Variants in TRIM39 observed in about 807,000 individuals in gnomAD.
TRIM39 encodes tripartite motif containing 39.
Under a neutral mutation model 53.6 loss-of-function variants are expected in TRIM39, and 5 were observed. The ratio of observed to expected loss-of-function variants is 0.09; its 90% CI spans 0.05 to 0.20. The LOEUF (loss-of-function observed/expected upper bound fraction) is 0.20, where lower values mean the gene tolerates loss of function less well. Among genes scored for constraint, TRIM39 ranks in the 10% least tolerant of loss-of-function variants. The pLI is 1.00. For synonymous variants in TRIM39, 196 were observed against 237.6 expected, an observed-to-expected ratio of 0.82 and a Z score of 1.61; for missense variants, 310 against 621.0, an observed-to-expected ratio of 0.50 and a Z score of 5.32.
At chr6:30,337,195 G>A (rs1177676383) in intron 5 of TRIM39, among the ~76,000 whole-genome samples, 2 of 152,120 alleles carry the variant, frequency 1.3e-5, no homozygotes, top group East Asian at 3.9e-4. Context: ...CTGAGGTCAG[G>A]AGTTTGAGAC....
Position 30,339,990 on chromosome 6 carries a change from A to G in TRIM39, c.803+60A>G. ...GTCTTGGCTTAGAGAGGAGGGGTAC[A>G]GTCAGGAGTTTGGGTTGGGGGTGAG... On this transcript the variant is annotated intron_variant, in intron 6 of 7. Transcript: ENST00000396551. The surrounding 1 kb of genome is among the most constrained non-coding windows in gnomAD (Gnocchi z 4.2). 1.2e-6 allele frequency: 2 copies of G among 1,613,320 alleles called. No homozygotes were observed. The highest frequency in any genetic ancestry group is 1.7e-6 in the Non-Finnish European group (2 of 1,179,486).
In TRIM39 at chr6:30,342,600, C is replaced by T; in HGVS notation, c.*341C>T. ...AAAATCTGTGAGGGTCTGACTTGCT[C>T]AAACCAGAGGAGGAAACAGAAACCC... On this transcript the variant is annotated 3_prime_UTR_variant, in exon 8 of 8. Transcript: ENST00000396551. This position sits in a 1 kb window ranked among gnomAD's most constrained non-coding sequence, Gnocchi z 4.7. The T allele has an allele frequency of 4.9e-6, 2 of 408,616 alleles. No individual in the cohort carries two copies. The highest frequency in any genetic ancestry group is 8.8e-6 in the Non-Finnish European group (2 of 226,400). 25.3% of individuals were successfully genotyped at this position (408,616 alleles called of 1,614,324 possible).
exon 8 of TRIM39, chr6:30,341,956 C>T (rs773142612): frequency 1.9e-6 from 3 of 1,613,020 alleles, no homozygotes; most frequent in Non-Finnish European, 2.5e-6. Flanking sequence ...GCCGAAAGGG[C>T]GAGTTGACTC....
chr6:30,327,125 C>T (rs1785436192), intron 1 of TRIM39, 130 bp downstream of exon 1: 1 of 152,500 alleles, frequency 6.6e-6, no homozygotes, highest in Non-Finnish European at 1.5e-5. Flanking sequence ...CCTCCGCCCG[C>T]CTCGGGCCCG....
At position 30,335,354 on chromosome 6, in the gene TRIM39, T is replaced by C. The variant is rs771555176; in HGVS notation, c.550-391T>C. Among the ~76,000 whole-genome samples the C allele has an allele frequency of 3.0e-4, 45 of 152,318 alleles. No homozygotes were observed. Among genetic ancestry groups the C allele is most frequent in the Admixed American group, 1.0e-3 (16 of 15,302 alleles). The stretch of plus-strand genomic sequence containing the variant: ...TGTCTGTCTGTCTTTCATCTCGATC[T>C]GTTGCCCAAGCTGGAGTGCAATGGT... On this transcript the variant is annotated intron_variant, in intron 4 of 7. Transcript: ENST00000396551. This position sits in a 1 kb window ranked among gnomAD's most constrained non-coding sequence, Gnocchi z 4.7.
chr6:30,328,523 T>G (rs182121339), intron 1 of TRIM39, among the ~76,000 whole-genome samples: 3 of 152,380 alleles, frequency 2.0e-5, no homozygotes, highest in Admixed American at 1.3e-4. Flanking sequence ...TGTTAGCCTT[T>G]AGAGCAGTGG....
rs150343286 is a variant in TRIM39, at chr6:30,328,045, A to G, written c.-160-844A>G. Among the ~76,000 whole-genome samples the G allele has an allele frequency of 5.7e-3, 872 of 152,296 alleles. 1 individual carries two copies. The highest frequency in any genetic ancestry group is 0.031 in the Middle Eastern group (9 of 294). On this transcript the variant is annotated intron_variant, in intron 1 of 7. Coordinates refer to ENST00000396551, the Ensembl canonical transcript of TRIM39. ...AGTTAAATCAACTTACCCATGGCTA[A>G]AAGTATGGATGTTTTAAGGATGGAG...
At chr6:30,334,708 T>TTA (rs1786644425) in intron 4 of TRIM39, among the ~76,000 whole-genome samples, 1 of 152,224 alleles carries the variant, frequency 6.6e-6, no homozygotes, top group Non-Finnish European at 1.5e-5. Flanking sequence ...TAACTTTTTA[T>TTA]TATTTGTACT....
chr6:30,341,986 C>T (rs752564571), exon 8 of TRIM39: 1 of 1,612,428 alleles, frequency 6.2e-7, no homozygotes, highest in Non-Finnish European at 8.5e-7. Flanking sequence ...AGACTGGCTA[C>T]TGGCGGGTGC....
chr6:30,336,002 C>T, intron 5 of TRIM39, 27 bp downstream of exon 5: 3 of 1,612,456 alleles, frequency 1.9e-6, no homozygotes, highest in Admixed American at 1.7e-5. Flanking sequence ...TGCATAGCCC[C>T]TCAGGCTGAG....
At chr6:30,329,831 A>T in intron 3 of TRIM39, 61 bp downstream of exon 3, 1 of 1,567,202 alleles carries the variant, frequency 6.4e-7, no homozygotes, top group African/African-American at 1.3e-5. Flanking sequence ...AGAGGATGAG[A>T]TACTCCCTAG....
chr6:30,337,180 A>T (rs1402216922), intron 5 of TRIM39, among the ~76,000 whole-genome samples: 1 of 152,184 alleles, frequency 6.6e-6, no homozygotes, highest in African/African-American at 2.4e-5. Flanking sequence ...AGGCAGGTGG[A>T]TCACCTGAGG....
chr6:30,341,729 C>G, exon 8 of TRIM39: 1 of 1,612,464 alleles, frequency 6.2e-7, no homozygotes, highest in Non-Finnish European at 8.5e-7. Flanking sequence ...GACCCTGGAC[C>G]CTGAGACAGC....
intron 4 of TRIM39, 87 bp downstream of exon 4, chr6:30,330,963 C>T (rs560569090): frequency 7.5e-6 from 11 of 1,457,298 alleles, no homozygotes; most frequent in African/African-American, 7.0e-5. Flanking sequence ...CCACCAGTTC[C>T]GGTTCATTAG....
chr6:30,329,092 GA>G (rs994816937), intron 2 of TRIM39, 51 bp downstream of exon 2: 46 of 566,242 alleles, frequency 8.1e-5, no homozygotes, highest in African/African-American at 4.2e-4. Context: ...TTACTAACAA[GA>G]AAAAAAAGGT....
chr6:30,330,500 A>G (rs961300451), intron 3 of TRIM39, among the ~76,000 whole-genome samples: 1 of 152,064 alleles, frequency 6.6e-6, no homozygotes, highest in African/African-American at 2.4e-5. Flanking sequence ...AAGAAAATGG[A>G]AAGAGTTGAG....
At chr6:30,329,260 A>G (rs1785829909) in intron 2 of TRIM39, 51 bp from the exon 3 acceptor site, 2 of 1,532,576 alleles carry the variant, frequency 1.3e-6, no homozygotes, top group African/African-American at 1.4e-5. Context: ...AAAAAAGAAA[A>G]AACCTCCAAT....
intron 1 of TRIM39, chr6:30,327,216 C>T (rs1785460151): frequency 6.5e-6 from 1 of 152,710 alleles, no homozygotes; most frequent in South Asian, 2.1e-4. Flanking sequence ...CCCGCTGCTG[C>T]TCACCTCCCC....
intron 6 of TRIM39, 166 bp from the exon 7 acceptor site, chr6:30,340,339 G>A (rs1787358757): frequency 6.2e-7 from 1 of 1,612,966 alleles, no homozygotes; most frequent in South Asian, 1.1e-5. Flanking sequence ...GGCTCTCCTT[G>A]GATTAGTAAA....
Sources: allele counts gnomAD v4.1 joint callset (sites outside exome capture counted in the v4.1 genomes callset), GRCh38; gene constraint gnomAD v4.1.1; non-coding constraint Gnocchi (gnomAD v3.1); transcripts MANE v1.5; gene names NCBI Gene and HGNC (gene_info 2026-07-23, HGNC 2026-07-21).